The following SENP8 variants were observed in gnomAD, a reference collection of about 807,000 sequenced individuals.
The protein encoded by SENP8 is sentrin-specific protease 8.
SENP8 carries 10 observed loss-of-function variants against 14.4 expected under a neutral mutation model. The observed-to-expected ratio is 0.69, with a 90% CI of 0.43 to 1.18. The LOEUF (loss-of-function observed/expected upper bound fraction) is 1.18, where lower values mean the gene tolerates loss of function less well. Among genes scored for constraint, SENP8 ranks in the 50% most tolerant of loss-of-function variants. The pLI, the probability that SENP8 is intolerant of heterozygous loss-of-function variation, is 0.00. For missense variants in SENP8, 202 were observed against 249.4 expected, an observed-to-expected ratio of 0.81 and a Z score of 1.28; for synonymous variants, 94 against 95.5, an observed-to-expected ratio of 0.98 and a Z score of 0.09.
At chr15:72,137,296 A>G (rs113858317) in intron 1 of SENP8, among the ~76,000 whole-genome samples, 17 of 148,444 alleles carry the variant, frequency 1.1e-4, no homozygotes, top group Non-Finnish European at 3.0e-5. Flanking sequence ...AAAAAGGCGT[A>G]TACCTTTTTA....
At chr15:72,116,027 T>C (rs2080961178), upstream of SENP8, among the ~76,000 whole-genome samples, 1 of 152,174 alleles carries the variant, frequency 6.6e-6, no homozygotes, top group Admixed American at 6.5e-5. Context: ...AAACAGGCTA[T>C]GTATAGAATG....
At chr15:72,132,861 A>G (rs906867296) in intron 1 of SENP8, among the ~76,000 whole-genome samples, 1 of 151,702 alleles carries the variant, frequency 6.6e-6, no homozygotes, top group African/African-American at 2.4e-5. Flanking sequence ...ATTACCTCCT[A>G]CCTTTACTTG....
At chr15:72,129,159 T>G (rs1012877260) in intron 1 of SENP8, among the ~76,000 whole-genome samples, 4 of 152,354 alleles carry the variant, frequency 2.6e-5, no homozygotes, top group Admixed American at 6.5e-5. Context: ...AAATAAATAC[T>G]TATACATCTA....
At chr15:72,124,853 A>C (rs1431879259) in intron 1 of SENP8, among the ~76,000 whole-genome samples, 1 of 152,180 alleles carries the variant, frequency 6.6e-6, no homozygotes, top group Non-Finnish European at 1.5e-5. Context: ...CCTATTTCTT[A>C]AAATGATATT....
At chr15:72,133,585 C>G (rs2081296511) in intron 1 of SENP8, among the ~76,000 whole-genome samples, 1 of 152,206 alleles carries the variant, frequency 6.6e-6, no homozygotes, top group African/African-American at 2.4e-5. Context: ...AATGATTATT[C>G]TCTCTTGTGA....
Position 72,140,023 on chromosome 15 carries a change from G to C in SENP8, c.400G>C (p.Glu134Gln). 1 of 1,614,228 alleles carries C rather than the reference G, an allele frequency of 6.2e-7. No homozygotes were observed. Among genetic ancestry groups the C allele is most frequent in the Non-Finnish European group, 8.5e-7 (1 of 1,180,052 alleles). Residue 134 changes from glutamate to glutamine, a missense_variant, in exon 2 of 2, where the codon GAG (glutamate) becomes CAG (glutamine). Transcript: ENST00000340912. Reference protein sequence around the residue: ...SNSVHAKQVAEKLEAFLGRKG... With the variant: ...SNSVHAKQVAQKLEAFLGRKG... ...CTCAGTTCACGCAAAGCAGGTAGCA[G>C]AGAAACTGGAGGCTTTCTTAGGCAG...
upstream of SENP8, chr15:72,117,631 G>T: frequency 7.6e-6 from 3 of 394,812 alleles, no homozygotes; most frequent in Middle Eastern, 1.3e-3. Context: ...AGGCTGAGAC[G>T]TGGGCCAGGA....
chr15:72,119,812 CTT>C (rs1160681363), intron 1 of SENP8, among the ~76,000 whole-genome samples: 2 of 152,186 alleles, frequency 1.3e-5, no homozygotes, highest in Non-Finnish European at 2.9e-5. Context: ...GAATGAGAAA[CTT>C]GAGCGGCGTT....
At position 72,139,934 on chromosome 15, in the gene SENP8, G is replaced by A. The variant is rs1194258280; in HGVS notation, c.311G>A (p.Ser104Asn). Residue 104 changes from serine to asparagine, a missense_variant, in exon 2 of 2, where the codon AGT becomes AAT. Coordinates refer to ENST00000340912, the MANE Select transcript of SENP8 (RefSeq NM_145204.4). ...SNQAAGGTHW[S>N]LLVYLQDKNS... The stretch of plus-strand genomic sequence containing the variant: ...CAGGCAGCTGGAGGAACCCACTGGA[G>A]TTTATTGGTCTACCTCCAAGATAAA... 4 of 1,614,104 alleles carry A rather than the reference G, an allele frequency of 2.5e-6. No homozygotes were observed. Among genetic ancestry groups the A allele is most frequent in the Non-Finnish European group, 2.5e-6 (3 of 1,180,038 alleles).
At chr15:72,123,751 G>C (rs900868483) in intron 1 of SENP8, among the ~76,000 whole-genome samples, 7 of 152,152 alleles carry the variant, frequency 4.6e-5, no homozygotes, top group Admixed American at 3.3e-4. Context: ...TGTTGGTCAG[G>C]CTGATCTAGA....
Position 72,142,670 on chromosome 15 carries a change from T to C in SENP8, c.*2408T>C, listed in dbSNP as rs565421274. The C allele has an allele frequency of 2.6e-5, 4 of 152,222 alleles. No individual in the cohort carries two copies. The South Asian group carries it at 8.3e-4, about 32-fold the overall frequency. The allele number at this position is 152,222 out of a possible 1,614,324, so 9.4% of individuals were successfully genotyped here. A position where few individuals can be genotyped will look rare whatever the true frequency, so the allele number is the denominator to read the frequency against. On this transcript the variant is annotated 3_prime_UTR_variant, in exon 2 of 2. Coordinates refer to ENST00000340912, the MANE Select transcript of SENP8 (RefSeq NM_145204.4). ...CCCAGCTATAAATGGTTGTAGAAAATATAAGTATCAGTGGGTTTCCTATGT... is the reference window on the plus strand; with the variant it reads ...CCCAGCTATAAATGGTTGTAGAAAACATAAGTATCAGTGGGTTTCCTATGT...
upstream of SENP8, among the ~76,000 whole-genome samples, chr15:72,115,235 T>C (rs545358796): frequency 2.0e-5 from 3 of 152,304 alleles, no homozygotes; most frequent in South Asian, 2.1e-4. Flanking sequence ...CTAAAACCTT[T>C]TCTCCTCCCT....
In SENP8 at chr15:72,140,096, A is replaced by G. The variant is rs1395651767; in HGVS notation, c.473A>G (p.Gln158Arg). 1.2e-6 allele frequency: 2 copies of G among 1,614,086 alleles called. No individual in the cohort carries two copies. Among genetic ancestry groups the G allele is most frequent in the Admixed American group, 1.7e-5 (1 of 60,014 alleles). The part of the protein sequence containing the change: ...AFVEEKAPAQ[Q>R]NSYDCGMYVI... Reference sequence around the variant, plus strand: ...GTGGAAGAGAAAGCCCCTGCCCAACAAAACAGCTATGACTGTGGGATGTAC... The same window carrying G: ...GTGGAAGAGAAAGCCCCTGCCCAACGAAACAGCTATGACTGTGGGATGTAC... The change falls in exon 2 of 2, where the codon CAA becomes CGA. Residue 158 changes from glutamine (Q) to arginine (R), a missense_variant. By Grantham distance (43) the Gln-to-Arg change is conservative (BLOSUM62 1). Transcript: ENST00000340912.
intron 1 of SENP8, among the ~76,000 whole-genome samples, chr15:72,137,971 CA>C (rs1039616275): frequency 3.9e-4 from 52 of 132,676 alleles, no homozygotes; most frequent in Non-Finnish European, 3.1e-4. Flanking sequence ...GACTCCATCT[CA>C]AAAAAAAAAA....
intron 1 of SENP8, among the ~76,000 whole-genome samples, chr15:72,136,333 G>A (rs2081327168): frequency 6.6e-6 from 1 of 152,214 alleles, no homozygotes; most frequent in African/African-American, 2.4e-5. Context: ...TCTCTGGCCA[G>A]ATGCCAAAAA....
intron 1 of SENP8, among the ~76,000 whole-genome samples, chr15:72,131,170 C>T (rs936816423): frequency 2.0e-5 from 3 of 152,166 alleles, no homozygotes; most frequent in African/African-American, 7.2e-5. Flanking sequence ...CACCACTGCA[C>T]TCCAGCATGG....
At chr15:72,115,702 T>G (rs2080946166), upstream of SENP8, among the ~76,000 whole-genome samples, 4 of 152,182 alleles carry the variant, frequency 2.6e-5, no homozygotes, top group Admixed American at 2.0e-4. Flanking sequence ...TTCAATAATT[T>G]AATAAATATT....
chr15:72,139,356 G>T, intron 1 of SENP8: 1 of 429,304 alleles, frequency 2.3e-6, no homozygotes, highest in South Asian at 4.5e-5. Flanking sequence ...TCATCATGTT[G>T]AGTAGGCTGA....
At chr15:72,115,144 G>C (rs1380776888), upstream of SENP8, among the ~76,000 whole-genome samples, 1 of 152,192 alleles carries the variant, frequency 6.6e-6, no homozygotes, top group Non-Finnish European at 1.5e-5. Flanking sequence ...ACTAGAATAA[G>C]TTTTTTAAAG....
Sources: gnomAD v4.1 joint callset for allele counts (sites outside exome capture counted in the v4.1 genomes callset) on GRCh38, gnomAD v4.1.1 for gene constraint, MANE v1.5 for transcripts, NCBI Gene and HGNC (gene_info 2026-07-23, HGNC 2026-07-21) for gene names.